TENT4A: variants seen among roughly 807,000 people sequenced by gnomAD.
TENT4A encodes terminal nucleotidyltransferase 4A.
Under a neutral mutation model 72.8 loss-of-function variants are expected in TENT4A, and 7 were observed. That is an observed-to-expected ratio of 0.10 (90% confidence interval 0.05 to 0.18). The LOEUF (loss-of-function observed/expected upper bound fraction) is 0.18, where lower values mean the gene tolerates loss of function less well. TENT4A is among the 10% of genes least tolerant of loss of function. The probability of loss-of-function intolerance (pLI) is 1.00; values close to 1 mark genes in which losing one functional copy is unlikely to be tolerated. For synonymous variants in TENT4A, 456 were observed against 434.3 expected, an observed-to-expected ratio of 1.05 and a Z score of -0.62; for missense variants, 831 against 1,017.7, an observed-to-expected ratio of 0.82 and a Z score of 2.50.
intron 1 of TENT4A, among the ~76,000 whole-genome samples, chr5:6,715,645 G>A (rs368558291): frequency 2.0e-5 from 3 of 152,212 alleles, no homozygotes; most frequent in African/African-American, 7.2e-5. Flanking sequence ...GCATGCAGTA[G>A]AGTCCTACAA....
chr5:6,729,978 C>T (rs1217216114), intron 1 of TENT4A, among the ~76,000 whole-genome samples: 1 of 152,070 alleles, frequency 6.6e-6, no homozygotes, highest in Admixed American at 6.5e-5. Context: ...GGCTTAGAAC[C>T]AATGCAGATT....
chr5:6,752,098 C>T (rs988963620), intron 11 of TENT4A, among the ~76,000 whole-genome samples: 3 of 152,188 alleles, frequency 2.0e-5, no homozygotes, highest in Non-Finnish European at 2.9e-5. Context: ...TAAACTTGGT[C>T]GCCTTTTTAT....
chr5:6,745,722 T>C (rs1319150333), intron 6 of TENT4A, among the ~76,000 whole-genome samples: 1 of 152,176 alleles, frequency 6.6e-6, no homozygotes, highest in Non-Finnish European at 1.5e-5. Context: ...GCTATAAATA[T>C]TGTGATATAA....
chr5:6,736,073 A>T (rs1192496701), intron 1 of TENT4A, among the ~76,000 whole-genome samples: 1 of 152,174 alleles, frequency 6.6e-6, no homozygotes, highest in Non-Finnish European at 1.5e-5. Flanking sequence ...ATATTTTTTT[A>T]AATTAAATGT....
rs1379231829 is a variant in TENT4A, at chr5:6,746,022, C to T, written c.1246-192C>T. The T allele has an allele frequency of 9.1e-6, 13 of 1,431,720 alleles. No individual in the cohort carries two copies. The African/African-American group carries it at 1.3e-4, about 14-fold the overall frequency. The allele number at this position is 1,431,720 out of a possible 1,614,324, so 88.7% of individuals were successfully genotyped here. On this transcript the variant is annotated intron_variant, in intron 6 of 12. Transcript: ENST00000230859. ...AACTACACTAAAATTCAGATGAGTC[C>T]GTTGTGTTCCTTTTGAACACTCCTC...
chr5:6,729,583 G>A (rs1298145056), intron 1 of TENT4A, among the ~76,000 whole-genome samples: 2 of 152,224 alleles, frequency 1.3e-5, no homozygotes, highest in Non-Finnish European at 2.9e-5. Context: ...GCTGCCCTGC[G>A]GTAGTCAGCA....
chr5:6,754,776 T>C lies in TENT4A; in HGVS notation c.2210T>C (p.Met737Thr). 2 of 1,593,878 alleles carry C rather than the reference T, an allele frequency of 1.3e-6. No homozygotes were observed. The highest frequency in any genetic ancestry group is 1.3e-5 in the African/African-American group (1 of 74,676). The change falls in exon 13 of 13, where the codon ATG becomes ACG. Residue 737 changes from methionine (M) to threonine (T), a missense_variant. By Grantham distance (81) the Met-to-Thr change is moderately conservative. Around this residue, in one of 3 missense-constraint regions of TENT4A, gnomAD observed 332 missense variants for 324.3 expected, o/e 1.02. Coordinates refer to ENST00000230859, the MANE Select transcript of TENT4A (RefSeq NM_006999.6). ...HKQHNGMKLS[M>T]KGSHGHTQGG... ...CAGCACAACGGCATGAAACTGTCCA[T>C]GAAGGGCTCTCACGGCCACACCCAA...
chr5:6,743,211 G>T (rs1001056685), intron 5 of TENT4A, among the ~76,000 whole-genome samples: 4 of 152,146 alleles, frequency 2.6e-5, no homozygotes, highest in African/African-American at 9.7e-5. Context: ...CAAGGGCCTT[G>T]CTCTTCAGGT....
intron 1 of TENT4A, among the ~76,000 whole-genome samples, chr5:6,727,646 C>T (rs1259827506): frequency 6.6e-6 from 1 of 152,194 alleles, no homozygotes; most frequent in Non-Finnish European, 1.5e-5. Context: ...CCATCTCAGC[C>T]TCAGTACCAG....
intron 1 of TENT4A, among the ~76,000 whole-genome samples, chr5:6,727,331 G>T (rs1377057565): frequency 6.6e-6 from 1 of 152,172 alleles, no homozygotes; most frequent in Non-Finnish European, 1.5e-5. Flanking sequence ...CATGCAGGCC[G>T]AGGGCCTGGC....
chr5:6,717,368 G>A lies in TENT4A; in HGVS notation c.716+2669G>A, dbSNP rs7712080. On this transcript the variant is annotated intron_variant, in intron 1 of 12. Transcript: ENST00000230859. Reference sequence around the variant, plus strand: ...GAAAATGCAGTGTGTATTCCTCATGGGAGGATGAGCCTGCTGTGGAGCATT... The same window carrying A: ...GAAAATGCAGTGTGTATTCCTCATGAGAGGATGAGCCTGCTGTGGAGCATT... 2.3e-3 allele frequency among the ~76,000 whole-genome samples: 343 copies of A among 152,352 alleles called. 1 individual carries two copies. Among genetic ancestry groups the A allele is most frequent in the African/African-American group, 8.1e-3 (336 of 41,580 alleles).
At chr5:6,737,693 T>G in intron 2 of TENT4A, 60 bp downstream of exon 2, 1 of 1,558,210 alleles carries the variant, frequency 6.4e-7, no homozygotes, top group Non-Finnish European at 8.7e-7. Flanking sequence ...TTAAATACCC[T>G]GTGATGATGA....
At chr5:6,731,317 C>T (rs1741200514) in intron 1 of TENT4A, among the ~76,000 whole-genome samples, 1 of 152,160 alleles carries the variant, frequency 6.6e-6, no homozygotes, top group Admixed American at 6.5e-5. Flanking sequence ...ATGGAAAAGA[C>T]TGGGAACTGA....
intron 12 of TENT4A, 26 bp from the exon 13 acceptor site, chr5:6,754,725 A>G (rs1368875287): frequency 6.5e-7 from 1 of 1,543,836 alleles, no homozygotes; most frequent in Non-Finnish European, 8.8e-7. Context: ...TCTGGCTCCA[A>G]CACTGCTGTC....
chr5:6,719,820 A>G (rs274720), intron 1 of TENT4A, among the ~76,000 whole-genome samples: 55,053 of 152,102 alleles, frequency 0.36, 10,042 homozygotes, highest in South Asian at 0.45. Flanking sequence ...TAGCAAATTA[A>G]CATAAACTCA....
chr5:6,746,800 T>A (rs560875951), intron 7 of TENT4A, among the ~76,000 whole-genome samples: 65 of 152,368 alleles, frequency 4.3e-4, no homozygotes, highest in African/African-American at 1.5e-3. Flanking sequence ...TTTCCCTATA[T>A]GGATATTAAT....
chr5:6,716,702 C>T (rs888307156), intron 1 of TENT4A, among the ~76,000 whole-genome samples: 4 of 152,236 alleles, frequency 2.6e-5, no homozygotes, highest in African/African-American at 9.7e-5. Flanking sequence ...CTCAGATGCC[C>T]CTAGGTCCTG....
chr5:6,751,515 C>T (rs2126658415), intron 11 of TENT4A: 1 of 283,194 alleles, frequency 3.5e-6, no homozygotes, highest in East Asian at 7.3e-5. Flanking sequence ...GAGAGAGCGA[C>T]TCAGTCACGA....
intron 3 of TENT4A, among the ~76,000 whole-genome samples, 157 bp from the exon 4 acceptor site, chr5:6,739,575 A>G (rs1446558545): frequency 6.6e-6 from 1 of 152,190 alleles, no homozygotes; most frequent in Non-Finnish European, 1.5e-5. Context: ...TAGTTCATGA[A>G]CTGCACTTCA....
Sources: allele counts gnomAD v4.1 joint callset (sites outside exome capture counted in the v4.1 genomes callset), GRCh38; gene constraint gnomAD v4.1.1; regional missense constraint gnomAD v4.1.1; transcripts MANE v1.5; gene names NCBI Gene and HGNC (gene_info 2026-07-23, HGNC 2026-07-21).